The following ABCA2 variants were observed in gnomAD, a reference collection of about 807,000 sequenced individuals.
The protein encoded by ABCA2 is ATP-binding cassette sub-family A member 2.
A neutral mutation model predicts 262.8 loss-of-function variants in ABCA2; 84 were observed. The observed-to-expected ratio is 0.32, with a 90% confidence interval of 0.27 to 0.38. The LOEUF is 0.38. ABCA2 is among the 10% of genes least tolerant of loss of function. The pLI is 1.00. For synonymous variants in ABCA2, 1,696 were observed against 1,502.9 expected (o/e 1.13, Z -2.97); for missense variants, 2,662 against 3,405.9 (o/e 0.78, Z 5.44).
At position 137,028,021 on chromosome 9, in the gene ABCA2, T is replaced by C. The variant is rs1831716413; in HGVS notation, c.66+54A>G. On this transcript the variant is annotated intron_variant, in intron 1 of 48. Transcript: ENST00000341511. The surrounding 1 kb of genome is among the most constrained non-coding windows in gnomAD (Gnocchi z 6.9). The stretch of plus-strand genomic sequence containing the variant: ...CACGTGCGCGCGGGGAGCGCGCCTC[T>C]GGCCGCGGTGCGCGCGGCCTCGGGC... 9.6e-6 allele frequency: 9 copies of C among 936,702 alleles called. No individual in the cohort carries two copies. Among genetic ancestry groups the C allele is most frequent in the Non-Finnish European group, 1.0e-5 (8 of 787,784 alleles). 58.0% of individuals were successfully genotyped at this position (936,702 alleles called of 1,614,324 possible).
At chr9:137,023,138 C>G in intron 3 of ABCA2, 86 bp from the exon 4 acceptor site, 1 of 1,064,332 alleles carries the variant, frequency 9.4e-7, no homozygotes, top group South Asian at 1.4e-5. Context: ...AGACAGAGGC[C>G]GAGAGGAGAA....
rs1831472026 is a variant in ABCA2, at chr9:137,022,019, ATGGCTCAGATGGGGTGTGGGGGGCG to A, written c.568-43_568-19del. The A allele has an allele frequency of 2.3e-6, 3 of 1,327,886 alleles. No individual in the cohort carries two copies. Among genetic ancestry groups the A allele is most frequent in the African/African-American group, 1.8e-5 (1 of 56,790 alleles). 82.3% of individuals were successfully genotyped at this position (1,327,886 alleles called of 1,614,324 possible). ...TGGTAGACCTAGGAGGTGTGGGGGA[ATGGCTCAGATGGGGTGTGGGGGGCG>A]TGGCTCAGATGGTGGGGGCGTGGCT... On this transcript the variant is annotated intron_variant, in intron 6 of 48. Transcript: ENST00000341511.
At position 137,014,424 on chromosome 9, in the gene ABCA2, G is replaced by T; in HGVS notation, c.4004-20C>A. On this transcript the variant is annotated intron_variant, in intron 26 of 48. Transcript: ENST00000341511. ...TCACATCTGCCGCAGTGGAAGGGCC[G>T]AGGGGACACTCAGGGCTACTGGCCC... 2 of 1,567,736 alleles carry T rather than the reference G, an allele frequency of 1.3e-6. No homozygotes were observed. The highest frequency in any genetic ancestry group is 1.2e-5 in the South Asian group (1 of 86,078).
At position 137,021,414 on chromosome 9, in the gene ABCA2, T is replaced by C; in HGVS notation, c.875A>G (p.Asp292Gly). 1.2e-6 allele frequency: 2 copies of C among 1,609,456 alleles called. No homozygotes were observed. The highest frequency in any genetic ancestry group is 2.2e-5 in the East Asian group (1 of 44,864). ...CACCTGCTGGGAGACCTTGGCCACG[T>C]CCAGCTGGTTCCGGAGCTCAGCAGA... ...GLSAELRNQL[D>G]VAKVSQQLGL... Residue 292 changes from aspartate (D) to glycine (G), a missense_variant, in exon 8 of 49, where the codon GAC becomes GGC. Asp to Gly is a moderately conservative substitution (Grantham distance 94, BLOSUM62 -1). Coordinates refer to ENST00000341511, the MANE Select transcript of ABCA2 (RefSeq NM_001606.5). This position sits in a 1 kb window ranked among gnomAD's most constrained non-coding sequence, Gnocchi z 6.0.
Position 137,011,250 on chromosome 9 carries a change from G to A in ABCA2, c.5859C>T (p.Asn1953=). ...KSCFLIFPNY[N]LGHGLMEMAY... ...CCATCTCCATGAGCCCGTGGCCCAG[G>A]TTGTAGTTGGGGAAAATGAGGAAGC... Residue 1953 remains asparagine, a synonymous_variant, in exon 38 of 49, where the codon AAC becomes AAT. Coordinates refer to ENST00000341511, the MANE Select transcript of ABCA2 (RefSeq NM_001606.5). This position sits in a 1 kb window ranked among gnomAD's most constrained non-coding sequence, Gnocchi z 8.8. 1.9e-6 allele frequency: 3 copies of A among 1,612,582 alleles called. No individual in the cohort carries two copies. The South Asian group carries it at 3.3e-5, about 18-fold the overall frequency.
intron 26 of ABCA2, 120 bp from the exon 27 acceptor site, chr9:137,014,524 G>A (rs1831183958): frequency 1.4e-6 from 2 of 1,443,016 alleles, no homozygotes; most frequent in African/African-American, 1.4e-5. Context: ...GGGACCTCTG[G>A]CCACCAGGAC....
chr9:137,010,462 G>T, intron 40 of ABCA2, 91 bp from the exon 41 acceptor site: 1 of 1,227,280 alleles, frequency 8.1e-7, no homozygotes, highest in Non-Finnish European at 1.0e-6. Flanking sequence ...CACCTCCAGA[G>T]CCCAGGGGGC....
rs1189839658 is a variant in ABCA2, at chr9:137,007,622, C to T, written c.*307G>A. The stretch of plus-strand genomic sequence containing the variant: ...CAGCAGTGCCTGGTCCAGCCGGCGT[C>T]GCCTTGGGCGGTGAGCAGTGCCAGG... On this transcript the variant is annotated 3_prime_UTR_variant, in exon 49 of 49. Transcript: ENST00000341511. 4 of 494,092 alleles carry T rather than the reference C, an allele frequency of 8.1e-6. No homozygotes were observed. Among genetic ancestry groups the T allele is most frequent in the South Asian group, 2.3e-5 (1 of 43,938 alleles). 30.6% of individuals were successfully genotyped at this position (494,092 alleles called of 1,614,324 possible). A position where few individuals can be genotyped will look rare whatever the true frequency, so the allele number is the denominator to read the frequency against.
chr9:137,014,749 AG>A lies in ABCA2; in HGVS notation c.3943del (p.Leu1315TrpfsTer22). On this transcript the variant is annotated frameshift_variant, in exon 26 of 49. Coordinates refer to ENST00000341511, the MANE Select transcript of ABCA2 (RefSeq NM_001606.5). LOFTEE classifies it high-confidence loss of function. Reference protein sequence around the residue: ...LSSFGLMDTTLEEVFLKVSEE... With the variant: ...LSSFGLMDTTXEEVFLKVSEE... ...CGACACCTTGAGGAACACTTCCTCC[AG>A]GGTCGTGTCCATCAGCCCGAAGCTG... 6.2e-7 allele frequency: 1 copy of A among 1,601,580 alleles called. No individual in the cohort carries two copies. The highest frequency in any genetic ancestry group is 8.5e-7 in the Non-Finnish European group (1 of 1,175,372).
chr9:137,021,077 C>T lies in ABCA2; in HGVS notation c.898-16G>A. 6.8e-7 allele frequency: 1 copy of T among 1,470,014 alleles called. No individual in the cohort carries two copies. Among genetic ancestry groups the T allele is most frequent in the East Asian group, 2.4e-5 (1 of 40,864 alleles). The allele number at this position is 1,470,014 out of a possible 1,614,324, so 91.1% of individuals were successfully genotyped here. On this transcript the variant is annotated splice_polypyrimidine_tract_variant and intron_variant, in intron 8 of 48. Transcript: ENST00000341511. This position sits in a 1 kb window ranked among gnomAD's most constrained non-coding sequence, Gnocchi z 6.0. Reference sequence around the variant, plus strand: ...CCAGGCCCAGCTGAGGGGAAACAGGCACGTGGGCAGTGCGGGGTGAGATGG... The same window carrying T: ...CCAGGCCCAGCTGAGGGGAAACAGGTACGTGGGCAGTGCGGGGTGAGATGG...
intron 2 of ABCA2, 89 bp downstream of exon 2, chr9:137,024,054 G>T: frequency 2.6e-6 from 4 of 1,517,916 alleles, no homozygotes; most frequent in Non-Finnish European, 3.5e-6. Flanking sequence ...CCGGGAGCAG[G>T]ACACCCGTGT....
intron 10 of ABCA2, 114 bp downstream of exon 10, chr9:137,020,222 C>T (rs1471916815): frequency 2.1e-6 from 3 of 1,448,364 alleles, no homozygotes; most frequent in Non-Finnish European, 1.9e-6. Context: ...CGAAGCTGCA[C>T]CCCGTACCCC....
chr9:137,017,540 G>C lies in ABCA2; in HGVS notation c.2364C>G (p.Leu788=). 1.2e-6 allele frequency: 2 copies of C among 1,611,196 alleles called. No individual in the cohort carries two copies. The highest frequency in any genetic ancestry group is 1.7e-6 in the Non-Finnish European group (2 of 1,178,628). The change falls in exon 17 of 49, where the codon CTC becomes CTG. Residue 788 remains leucine (L), a synonymous_variant. Coordinates refer to ENST00000341511, the MANE Select transcript of ABCA2 (RefSeq NM_001606.5). ...LMHSHVVIIW[L]FLAVYAVATI... is the part of the protein sequence containing the mutation. ...TGGCCACCGCGTAGACTGCCAGGAA[G>C]AGCCAGATGATGACCACGTGGCTGT... is the stretch of plus-strand genomic sequence containing the variant.
At chr9:137,024,111 C>T (rs375105194) in intron 2 of ABCA2, 32 bp downstream of exon 2, 71 of 1,586,526 alleles carry the variant, frequency 4.5e-5, no homozygotes, top group Admixed American at 5.4e-5. Flanking sequence ...CGCGCTCCCC[C>T]GGCTGTGCCT....
chr9:137,026,784 G>C (rs1465554780), intron 1 of ABCA2, among the ~76,000 whole-genome samples: 1 of 152,210 alleles, frequency 6.6e-6, no homozygotes, highest in Non-Finnish European at 1.5e-5. Context: ...ACCACCCCCG[G>C]GGACTAATAC....
chr9:137,019,448 A>G lies in ABCA2; in HGVS notation c.1426-142T>C. ...CCTTTTTTTTTTTTTTTTTCCTGAG[A>G]CAGGGTCTCAGTCACCCACGCTGGA... is the stretch of plus-strand genomic sequence containing the variant. On this transcript the variant is annotated intron_variant, in intron 10 of 48. Coordinates refer to ENST00000341511, the MANE Select transcript of ABCA2 (RefSeq NM_001606.5). The surrounding 1 kb of genome is among the most constrained non-coding windows in gnomAD (Gnocchi z 4.4). 1 of 977,310 alleles carries G rather than the reference A, an allele frequency of 1.0e-6. No homozygotes were observed. Among genetic ancestry groups the G allele is most frequent in the South Asian group, 1.7e-5 (1 of 57,830 alleles). The allele number at this position is 977,310 out of a possible 1,614,324, so 60.5% of individuals were successfully genotyped here.
At chr9:137,022,601 C>T in intron 5 of ABCA2, 101 bp downstream of exon 5, 1 of 1,556,392 alleles carries the variant, frequency 6.4e-7, no homozygotes, top group Non-Finnish European at 8.7e-7. Flanking sequence ...GCTGGGAACT[C>T]AGTGCAGGTG....
intron 3 of ABCA2, chr9:137,023,460 T>A (rs746872195): frequency 1.4e-6 from 1 of 717,466 alleles, no homozygotes; most frequent in Non-Finnish European, 2.6e-6. Context: ...GTTAGCAGAG[T>A]GAGTGCAAGA....
rs1831236170 is a variant in ABCA2 at position 137,015,751 on chromosome 9, G to A, written c.3438C>T (p.Ile1146=). The change falls in exon 23 of 49, where the codon ATC becomes ATT. Residue 1146 remains isoleucine, a synonymous_variant. Transcript: ENST00000341511. The stretch of plus-strand genomic sequence containing the variant: ...CCACGCCCGCCGTGGGCTCGTCCAG[G>A]ATGATGGCGCGAGAGCCGCCCACGA... ...IAFVGGSRAI[I]LDEPTAGVDP... is the part of the protein sequence containing the mutation. 4.3e-6 allele frequency: 7 copies of A among 1,612,236 alleles called. No homozygotes were observed. Among genetic ancestry groups the A allele is most frequent in the Non-Finnish European group, 5.1e-6 (6 of 1,179,832 alleles).
Sources: allele counts gnomAD v4.1 joint callset (sites outside exome capture counted in the v4.1 genomes callset), GRCh38; gene constraint gnomAD v4.1.1; non-coding constraint Gnocchi (gnomAD v3.1); transcripts MANE v1.5; gene names NCBI Gene and HGNC (gene_info 2026-07-23, HGNC 2026-07-21).